The following IRAG2 variants were observed in gnomAD, a reference collection of about 807,000 sequenced individuals.
The protein encoded by IRAG2 is lymphoid restricted membrane protein.
IRAG2 carries 45 observed loss-of-function variants against 69.9 expected under a neutral mutation model. The ratio of observed to expected loss-of-function variants is 0.64; its 90% CI spans 0.51 to 0.83. The LOEUF is 0.83. IRAG2 is among the 40% of genes least tolerant of loss of function. The pLI is 0.00. For synonymous variants in IRAG2, 193 were observed against 202.4 expected, an observed-to-expected ratio of 0.95 and a Z score of 0.40; for missense variants, 520 against 587.0, an observed-to-expected ratio of 0.89 and a Z score of 1.18.
upstream of IRAG2, among the ~76,000 whole-genome samples, chr12:25,050,581 A>C (rs1045177446): frequency 2.6e-5 from 4 of 151,590 alleles, no homozygotes; most frequent in Non-Finnish European, 4.4e-5. Flanking sequence ...AGTTTTCTCA[A>C]AATATTAAAA....
chr12:25,096,533 G>A (rs535348818), intron 14 of IRAG2, among the ~76,000 whole-genome samples: 8 of 152,230 alleles, frequency 5.3e-5, no homozygotes, highest in Non-Finnish European at 1.0e-4. Flanking sequence ...GTTTGGTTAC[G>A]TTTCTTAAAA....
intron 10 of IRAG2, among the ~76,000 whole-genome samples, chr12:25,031,937 C>T (rs1944671092): frequency 6.6e-6 from 1 of 152,230 alleles, no homozygotes; most frequent in South Asian, 2.1e-4. Context: ...GTTGGGATTA[C>T]AGTCGTGAGC....
intron 12 of IRAG2, chr12:25,033,659 C>T (rs1200066889): frequency 2.6e-6 from 1 of 379,330 alleles, no homozygotes; most frequent in African/African-American, 2.1e-5. Context: ...ACCTCCTAGA[C>T]TCACCAGTCT....
At chr12:25,035,476 C>T (rs532086189) in intron 13 of IRAG2, 75 of 392,028 alleles carry the variant, frequency 1.9e-4, no homozygotes, top group South Asian at 1.6e-3. Flanking sequence ...CAATTGGAGC[C>T]ATCCCAGAGA....
At chr12:25,003,241 A>T (rs1349920390), upstream of IRAG2, among the ~76,000 whole-genome samples, 4 of 152,246 alleles carry the variant, frequency 2.6e-5, no homozygotes, top group African/African-American at 4.8e-5. Flanking sequence ...ATGTCCTAAA[A>T]AATCATAGTT....
At chr12:25,094,351 C>T (rs975262072) in intron 14 of IRAG2, among the ~76,000 whole-genome samples, 7 of 152,062 alleles carry the variant, frequency 4.6e-5, no homozygotes, top group Admixed American at 3.9e-4. Flanking sequence ...CCATCCTTTC[C>T]TCATTGTGGA....
At chr12:25,034,391 A>G (rs1944689980) in intron 13 of IRAG2, among the ~76,000 whole-genome samples, 1 of 152,238 alleles carries the variant, frequency 6.6e-6, no homozygotes, top group Non-Finnish European at 1.5e-5. Context: ...TATCAGCCCA[A>G]ATTAATGACA....
At chr12:25,027,390 T>A (rs1404943317) in intron 9 of IRAG2, among the ~76,000 whole-genome samples, 5 of 141,566 alleles carry the variant, frequency 3.5e-5, no homozygotes, top group African/African-American at 1.3e-4. Context: ...TACTACCTCT[T>A]TTTTTTTCTT....
chr12:25,014,927 T>C (rs1458631958), intron 3 of IRAG2, among the ~76,000 whole-genome samples: 1 of 151,910 alleles, frequency 6.6e-6, no homozygotes, highest in African/African-American at 2.4e-5. Flanking sequence ...TAATGCCTAA[T>C]GTACCACCTA....
At chr12:25,039,626 T>C in intron 16 of IRAG2, among the ~76,000 whole-genome samples, 1 of 152,164 alleles carries the variant, frequency 6.6e-6, no homozygotes, top group East Asian at 1.9e-4. Context: ...GAGACGGGGT[T>C]TCACCATGTT....
chr12:25,046,656 T>C (rs1246249799), intron 16 of IRAG2, among the ~76,000 whole-genome samples: 1 of 151,972 alleles, frequency 6.6e-6, no homozygotes, highest in African/African-American at 2.4e-5. Flanking sequence ...AACTACAAAA[T>C]ATTGATGAGA....
intron 17 of IRAG2, chr12:25,102,913 A>G (rs943963227): frequency 6.6e-6 from 1 of 152,290 alleles, no homozygotes; most frequent in African/African-American, 2.4e-5. Flanking sequence ...GAATTTTTGA[A>G]TAAGTGACTT....
At chr12:25,097,868 T>C (rs1948514019) in intron 15 of IRAG2, among the ~76,000 whole-genome samples, 1 of 152,266 alleles carries the variant, frequency 6.6e-6, no homozygotes, top group Non-Finnish European at 1.5e-5. Context: ...TTTTGTCTTA[T>C]TTGTTTTGTA....
chr12:25,099,622 T>G (rs1228300861), intron 15 of IRAG2, among the ~76,000 whole-genome samples: 1 of 152,146 alleles, frequency 6.6e-6, no homozygotes, highest in African/African-American at 2.4e-5. Flanking sequence ...GTAATCCTTT[T>G]AAAATTAGAT....
intron 15 of IRAG2, among the ~76,000 whole-genome samples, chr12:25,099,858 G>A (rs1435008454): frequency 6.6e-6 from 1 of 151,846 alleles, no homozygotes; most frequent in East Asian, 1.9e-4. Flanking sequence ...AAATTAGCCA[G>A]GTGTGGTGGC....
intron 3 of IRAG2, 47 bp downstream of exon 3, chr12:25,062,947 A>C (rs1420844068): frequency 5.0e-6 from 2 of 398,802 alleles, no homozygotes; most frequent in Non-Finnish European, 8.9e-6. Context: ...TTGTGAATCA[A>C]CAACTATCCT....
At chr12:25,097,178 CAT>C (rs1451486470) in intron 15 of IRAG2, 134 bp downstream of exon 15, 2 of 730,024 alleles carry the variant, frequency 2.7e-6, no homozygotes, top group Non-Finnish European at 4.2e-6. Flanking sequence ...GCGTTTAATA[CAT>C]ATGTGTTTAA....
chr12:25,039,722 A>G (rs1047732202), intron 16 of IRAG2, among the ~76,000 whole-genome samples: 22 of 151,916 alleles, frequency 1.4e-4, no homozygotes, highest in East Asian at 3.9e-4. Context: ...GAGCCACCAC[A>G]CCCGGCAACA....
intron 14 of IRAG2, among the ~76,000 whole-genome samples, chr12:25,096,549 AC>A (rs1948430988): frequency 6.6e-6 from 1 of 152,154 alleles, no homozygotes; most frequent in Non-Finnish European, 1.5e-5. Context: ...TAAAATTCCA[AC>A]CTATGCTCCT....
Sources: gnomAD v4.1 joint callset for allele counts (sites outside exome capture counted in the v4.1 genomes callset) on GRCh38, gnomAD v4.1.1 for gene constraint, MANE v1.5 for transcripts, NCBI Gene and HGNC (gene_info 2026-07-23, HGNC 2026-07-21) for gene names.